The following SPTBN2 variants were observed in gnomAD, a reference collection of about 807,000 sequenced individuals.
SPTBN2 encodes spectrin beta, non-erythrocytic 2.
SPTBN2 carries 107 observed loss-of-function variants against 284.2 expected under a neutral mutation model. The observed-to-expected ratio is 0.38, with a 90% confidence interval of 0.32 to 0.44. The LOEUF is 0.44. Ranked by LOEUF, SPTBN2 falls within the 20% of genes least tolerant of loss-of-function variation. The pLI is 1.00. For synonymous variants in SPTBN2, 1,289 were observed against 1,354.8 expected (o/e 0.95, Z 1.07); for missense variants, 2,569 against 3,287.1 (o/e 0.78, Z 5.34).
rs377750743 is a variant in SPTBN2, at chr11:66,694,177, C to G, written c.4465G>C (p.Glu1489Gln). 6.2e-7 allele frequency: 1 copy of G among 1,611,712 alleles called. No individual in the cohort carries two copies. The highest frequency in any genetic ancestry group is 1.1e-5 in the South Asian group (1 of 91,070). Residue 1489 changes from glutamate (E) to glutamine (Q), a missense_variant, in exon 22 of 38, where the codon GAG becomes CAG. Glu to Gln is a conservative substitution (Grantham distance 29). Coordinates refer to ENST00000533211, the MANE Select transcript of SPTBN2 (RefSeq NM_006946.4). ...ERCRRLQASR[E>Q]QHQFHRDVED... ...ACATCGCGGTGGAACTGGTGCTGCTCGCGAGAAGCCTGCAGGCGCCGGCAG... is the reference window on the plus strand; with the variant it reads ...ACATCGCGGTGGAACTGGTGCTGCTGGCGAGAAGCCTGCAGGCGCCGGCAG...
chr11:66,712,920 ACTGC>A, intron 8 of SPTBN2: 12 of 153,876 alleles, frequency 7.8e-5, no homozygotes, highest in South Asian at 2.0e-4. Context: ...AGCATAACCC[ACTGC>A]AGCCTAGAAC....
intron 29 of SPTBN2, 107 bp downstream of exon 29, chr11:66,689,698 T>C (rs941591332): frequency 1.9e-6 from 3 of 1,542,226 alleles, no homozygotes; most frequent in East Asian, 4.5e-5. Context: ...GGGGAGAGAA[T>C]GAAAGGTTTC....
At position 66,688,269 on chromosome 11, in the gene SPTBN2, C is replaced by T. The variant is rs773275665; in HGVS notation, c.6274G>A (p.Glu2092Lys). The change falls in exon 32 of 38, where the codon GAG becomes AAG. Residue 2092 changes from glutamate to lysine, a missense_variant. Physicochemically the swap from Glu to Lys is moderately conservative, Grantham distance 56. Around this residue, in one of 6 missense-constraint regions of SPTBN2, gnomAD observed 1,130 missense variants for 1,317.3 expected, o/e 0.86. Coordinates refer to ENST00000533211, the MANE Select transcript of SPTBN2 (RefSeq NM_006946.4). Reference protein sequence around the residue: ...EKERKRKREEEERRKQPPAPE... With the variant: ...EKERKRKREEKERRKQPPAPE... Reference sequence around the variant, plus strand: ...GCAGGCGGCTGTTTCCGCCGCTCCTCCTCCTCCCTCTTTCTCTTTCGCTCC... The same window carrying T: ...GCAGGCGGCTGTTTCCGCCGCTCCTTCTCCTCCCTCTTTCTCTTTCGCTCC... 2.8e-5 allele frequency: 45 copies of T among 1,612,156 alleles called. 1 individual carries two copies. Among genetic ancestry groups the T allele is most frequent in the South Asian group, 2.8e-4 (25 of 90,860 alleles).
Position 66,691,428 on chromosome 11 carries a change from C to A in SPTBN2, c.5421G>T (p.Leu1807=), listed in dbSNP as rs1272020153. Residue 1807 remains leucine (L), a synonymous_variant, in exon 27 of 38, where the codon CTG becomes CTT. Coordinates refer to ENST00000533211, the MANE Select transcript of SPTBN2 (RefSeq NM_006946.4). This position sits in a 1 kb window ranked among gnomAD's most constrained non-coding sequence, Gnocchi z 8.0. ...LAAAYELQRF[L]HGARQALARV... ...GCGCCAGGGCTTGGCGTGCCCCGTG[C>A]AGGAAGCGCTGCAGCTCGTACGCCG... 1.2e-6 allele frequency: 2 copies of A among 1,612,306 alleles called. No individual in the cohort carries two copies. The highest frequency in any genetic ancestry group is 3.3e-5 in the Admixed American group (2 of 60,000).
In SPTBN2 at chr11:66,710,812, G is replaced by C; in HGVS notation, c.886-43C>G. 1 of 1,612,704 alleles carries C rather than the reference G, an allele frequency of 6.2e-7. No homozygotes were observed. The highest frequency in any genetic ancestry group is 8.5e-7 in the Non-Finnish European group (1 of 1,179,658). ...GGGACGTGACAGTCCCAGCCACAGGGTCCCTGGCCCAGTCCTGCAGCTCCA... is the reference window on the plus strand; with the variant it reads ...GGGACGTGACAGTCCCAGCCACAGGCTCCCTGGCCCAGTCCTGCAGCTCCA... On this transcript the variant is annotated intron_variant, in intron 9 of 37. Transcript: ENST00000533211. This position sits in a 1 kb window ranked among gnomAD's most constrained non-coding sequence, Gnocchi z 4.9.
chr11:66,705,446 C>T lies in SPTBN2; in HGVS notation c.1830G>A (p.Gln610=), dbSNP rs1447788319. Residue 610 remains glutamine, a synonymous_variant, in exon 15 of 38, where the codon CAG becomes CAA. Coordinates refer to ENST00000533211, the MANE Select transcript of SPTBN2 (RefSeq NM_006946.4). ...GCTTGGCCACCCGCTCCGACACCAGCTGCGGGTCGCAAGGTCTATACTCTG... is the reference window on the plus strand; with the variant it reads ...GCTTGGCCACCCGCTCCGACACCAGTTGCGGGTCGCAAGGTCTATACTCTG... ...PGKEYRPCDP[Q]LVSERVAKLE... is the part of the protein sequence containing the mutation. 1 of 1,612,936 alleles carries T rather than the reference C, an allele frequency of 6.2e-7. No individual in the cohort carries two copies. The highest frequency in any genetic ancestry group is 2.2e-5 in the East Asian group (1 of 44,892).
Position 66,710,330 on chromosome 11 carries a change from C to T in SPTBN2, c.1073+252G>A, listed in dbSNP as rs1246405904. Among the ~76,000 whole-genome samples the T allele has an allele frequency of 1.3e-5, 2 of 151,086 alleles. No individual in the cohort carries two copies. Among genetic ancestry groups the T allele is most frequent in the South Asian group, 2.1e-4 (1 of 4,722 alleles). On this transcript the variant is annotated intron_variant, in intron 10 of 37. Coordinates refer to ENST00000533211, the MANE Select transcript of SPTBN2 (RefSeq NM_006946.4). The surrounding 1 kb of genome is among the most constrained non-coding windows in gnomAD (Gnocchi z 4.9). ...GCCAGACTGGTCTCGGTGATGCGCCCGCCTTGGCCTCCCAAAGTGCTGGGA... is the reference window on the plus strand; with the variant it reads ...GCCAGACTGGTCTCGGTGATGCGCCTGCCTTGGCCTCCCAAAGTGCTGGGA...
rs1176958751 is a variant in SPTBN2, at chr11:66,718,835, A to G, written c.157+2249T>C. Reference sequence around the variant, plus strand: ...GCACGCCTGGCTGCGGTGAGAGGAGACAGGCGGCTCCAGACAAACAGGTTG... The same window carrying G: ...GCACGCCTGGCTGCGGTGAGAGGAGGCAGGCGGCTCCAGACAAACAGGTTG... On this transcript the variant is annotated intron_variant, in intron 3 of 37. Transcript: ENST00000533211. The surrounding 1 kb of genome is among the most constrained non-coding windows in gnomAD (Gnocchi z 4.8). Among the ~76,000 whole-genome samples the G allele has an allele frequency of 1.3e-5, 2 of 152,226 alleles. No individual in the cohort carries two copies. The highest frequency in any genetic ancestry group is 4.8e-5 in the African/African-American group (2 of 41,460).
chr11:66,732,859 G>C (rs763781815), upstream of SPTBN2, among the ~76,000 whole-genome samples: 3 of 151,788 alleles, frequency 2.0e-5, no homozygotes, highest in Non-Finnish European at 4.4e-5. Context: ...CCAGCTACTC[G>C]GGAGGCTGAG....
chr11:66,686,139 A>T, intron 37 of SPTBN2, 35 bp from the exon 38 acceptor site: 1 of 1,595,548 alleles, frequency 6.3e-7, no homozygotes. Flanking sequence ...AGCTTCAAGG[A>T]CACTGTGCTG....
chr11:66,729,695 A>G (rs967567266), upstream of SPTBN2, among the ~76,000 whole-genome samples: 1 of 152,142 alleles, frequency 6.6e-6, no homozygotes, highest in Non-Finnish European at 1.5e-5. Flanking sequence ...GTTCCATTGA[A>G]AGATTACTTT....
chr11:66,693,856 C>T lies in SPTBN2; in HGVS notation c.4509G>A (p.Trp1503Ter). The change falls in exon 23 of 38, where the codon TGG becomes TGA. Residue 1503 changes from tryptophan (W) to a stop codon, truncating the protein, a stop_gained. Transcript: ENST00000533211. LOFTEE classifies it high-confidence loss of function. The surrounding 1 kb of genome is among the most constrained non-coding windows in gnomAD (Gnocchi z 5.7). ...TGGCCATGGGCAGCCGCTCTGTCACCCACAACTGGAAGAGGAAGAGGGGGT... is the reference window on the plus strand; with the variant it reads ...TGGCCATGGGCAGCCGCTCTGTCACTCACAACTGGAAGAGGAAGAGGGGGT... ...FHRDVEDEIL[W>*]VTERLPMASS... is the part of the protein sequence containing the mutation. 6.2e-7 allele frequency: 1 copy of T among 1,613,874 alleles called. No individual in the cohort carries two copies. Among genetic ancestry groups the T allele is most frequent in the Non-Finnish European group, 8.5e-7 (1 of 1,179,904 alleles).
chr11:66,693,536 C>A lies in SPTBN2; in HGVS notation c.4594-90G>T, dbSNP rs1003932104. On this transcript the variant is annotated intron_variant, in intron 23 of 37. Coordinates refer to ENST00000533211, the MANE Select transcript of SPTBN2 (RefSeq NM_006946.4). The surrounding 1 kb of genome is among the most constrained non-coding windows in gnomAD (Gnocchi z 5.7). ...CCACCCTTCACCCCTGTGCCTCTCTCCTTCCTGGGTCCTCTGCTCCCTCTC... is the reference window on the plus strand; with the variant it reads ...CCACCCTTCACCCCTGTGCCTCTCTACTTCCTGGGTCCTCTGCTCCCTCTC... The A allele has an allele frequency of 1.3e-6, 2 of 1,535,394 alleles. No individual in the cohort carries two copies. Among genetic ancestry groups the A allele is most frequent in the Non-Finnish European group, 1.7e-6 (2 of 1,145,560 alleles).
Position 66,692,983 on chromosome 11 carries a change from C to G in SPTBN2, c.4972G>C (p.Glu1658Gln). ...AASSQDMIDH[E>Q]HPESTRISIR... is the part of the protein sequence containing the mutation. ...CGCTGCACCCACCTCTCTGGGTGCT[C>G]GTGGTCAATCATGTCCTGGCTGCTG... The change falls in exon 25 of 38, where the codon GAG (glutamate) becomes CAG (glutamine). Residue 1658 changes from glutamate (E) to glutamine (Q), a missense_variant. Physicochemically the swap from Glu to Gln is conservative, Grantham distance 29. Transcript: ENST00000533211. 6.2e-7 allele frequency: 1 copy of G among 1,606,714 alleles called. No homozygotes were observed. Among genetic ancestry groups the G allele is most frequent in the Non-Finnish European group, 8.5e-7 (1 of 1,179,966 alleles).
rs766739175 is a variant in SPTBN2 at position 66,685,847 on chromosome 11, G to T, written c.*24C>A. 7 of 1,608,046 alleles carry T rather than the reference G, an allele frequency of 4.4e-6. No homozygotes were observed. In the Admixed American group the frequency reaches 1.2e-4, roughly 27 times the overall value. ...GCAGTTTCCTGAACGGAGGGAGGGA[G>T]TTGGCCTGGGACCTTGCCCCCAACT... On this transcript the variant is annotated 3_prime_UTR_variant, in exon 38 of 38. Transcript: ENST00000533211. The surrounding 1 kb of genome is among the most constrained non-coding windows in gnomAD (Gnocchi z 4.4).
chr11:66,688,610 G>C (rs960858590), intron 31 of SPTBN2, 43 bp downstream of exon 31: 3 of 1,610,754 alleles, frequency 1.9e-6, no homozygotes, highest in African/African-American at 2.7e-5. Flanking sequence ...CACAGGTCAG[G>C]GGAGCAGGTT....
chr11:66,740,344 G>C (rs907679320), intron 1 of SPTBN2, among the ~76,000 whole-genome samples: 1 of 152,144 alleles, frequency 6.6e-6, no homozygotes, highest in Non-Finnish European at 1.5e-5. Flanking sequence ...TTTCCCCTAA[G>C]TCTTAGAAAG....
chr11:66,711,634 C>T (rs1941872721), intron 8 of SPTBN2, among the ~76,000 whole-genome samples: 2 of 152,188 alleles, frequency 1.3e-5, no homozygotes. Flanking sequence ...TGAGGCTGAC[C>T]ATAACTTGAA....
chr11:66,702,482 T>C (rs745537214), intron 15 of SPTBN2, among the ~76,000 whole-genome samples: 7 of 151,812 alleles, frequency 4.6e-5, no homozygotes, highest in Non-Finnish European at 7.4e-5. Flanking sequence ...GATGTTCTAA[T>C]AGGGCAGGGT....
Sources: gnomAD v4.1 joint callset for allele counts (sites outside exome capture counted in the v4.1 genomes callset) on GRCh38, gnomAD v4.1.1 for gene constraint, gnomAD v4.1.1 regional missense constraint, Gnocchi (gnomAD v3.1) non-coding constraint, MANE v1.5 for transcripts, NCBI Gene and HGNC (gene_info 2026-07-23, HGNC 2026-07-21) for gene names.